RMDN2: variants seen among roughly 807,000 people sequenced by gnomAD.
RMDN2 encodes the protein regulator of microtubule dynamics protein 2.
Under a neutral mutation model 52.8 loss-of-function variants are expected in RMDN2, and 61 were observed. That is an observed-to-expected ratio of 1.16 (90% confidence interval 0.94 to 1.43). The LOEUF (loss-of-function observed/expected upper bound fraction) is 1.43. Ranked by LOEUF, RMDN2 falls within the 40% of genes most tolerant of loss-of-function variation. The probability of loss-of-function intolerance (pLI) is 0.00; values close to 1 mark genes in which losing one functional copy is unlikely to be tolerated. For missense variants in RMDN2, 592 were observed against 475.3 expected (o/e 1.25, Z -2.28); for synonymous variants, 180 against 153.1 (o/e 1.18, Z -1.30).
At chr2:38,019,458 A>G (rs1473329482), downstream of RMDN2, among the ~76,000 whole-genome samples, 3 of 152,208 alleles carry the variant, frequency 2.0e-5, no homozygotes, top group Non-Finnish European at 4.4e-5. Context: ...TTGTTTCTGG[A>G]TATGAGCTTG....
chr2:37,934,192 G>C (rs1667098243), intron 2 of RMDN2, among the ~76,000 whole-genome samples: 1 of 152,166 alleles, frequency 6.6e-6, no homozygotes, highest in Non-Finnish European at 1.5e-5. Context: ...TTTCACACAA[G>C]AAAGGAAAAA....
intron 10 of RMDN2, among the ~76,000 whole-genome samples, chr2:38,062,213 A>G (rs1333876744): frequency 2.0e-5 from 3 of 152,124 alleles, no homozygotes; most frequent in African/African-American, 7.2e-5. Context: ...CCACCAGGCT[A>G]TCCTTTTGTA....
At chr2:38,025,466 G>T (rs1267836427) in intron 10 of RMDN2, among the ~76,000 whole-genome samples, 3 of 151,918 alleles carry the variant, frequency 2.0e-5, no homozygotes, top group Admixed American at 1.3e-4. Flanking sequence ...TGAAGGTTTT[G>T]TTTTGTTTTT....
At chr2:38,048,686 C>G (rs944634440) in intron 10 of RMDN2, among the ~76,000 whole-genome samples, 3 of 152,188 alleles carry the variant, frequency 2.0e-5, no homozygotes, top group Admixed American at 6.5e-5. Context: ...ACCAGGTAGT[C>G]AGGGATCCTT....
rs1050518477 is a variant in RMDN2, at chr2:37,959,858, C to G, written c.453-14182C>G. On this transcript the variant is annotated intron_variant, in intron 2 of 10. Coordinates refer to ENST00000354545, the MANE Select transcript of RMDN2 (RefSeq NM_001170791.3). ...GATTCTGGTATGTTGTATCTTAGTT[C>G]TCATTGGTTTCAAGGAACTTATTTC... Among the ~76,000 whole-genome samples, 2 of 150,868 alleles carry G rather than the reference C, an allele frequency of 1.3e-5. 1 individual carries two copies. The highest frequency in any genetic ancestry group is 5.0e-5 in the African/African-American group (2 of 40,214).
chr2:38,053,180 A>G (rs1031970822), intron 10 of RMDN2, among the ~76,000 whole-genome samples: 2 of 152,228 alleles, frequency 1.3e-5, no homozygotes, highest in Admixed American at 1.3e-4. Flanking sequence ...CTACAATAAC[A>G]TGATTTTCTT....
At chr2:37,955,191 C>T (rs1359093555) in intron 2 of RMDN2, among the ~76,000 whole-genome samples, 1 of 152,034 alleles carries the variant, frequency 6.6e-6, no homozygotes, top group Non-Finnish European at 1.5e-5. Context: ...TTTATTTCGT[C>T]ATCTTGCCTA....
chr2:37,951,788 A>G lies in RMDN2; in HGVS notation c.452+22059A>G, dbSNP rs138849623. On this transcript the variant is annotated intron_variant, in intron 2 of 10. Transcript: ENST00000354545. ...ACACTAAAAATTTTAAGAATTTTGA[A>G]ACAAACACTACTTCTCCAGCCTTTG... 18 of 1,613,432 alleles carry G rather than the reference A, an allele frequency of 1.1e-5. No individual in the cohort carries two copies. In the African/African-American group the frequency reaches 2.3e-4, roughly 20 times the overall value.
At chr2:37,959,426 T>G (rs996183664) in intron 2 of RMDN2, among the ~76,000 whole-genome samples, 2 of 151,186 alleles carry the variant, frequency 1.3e-5, no homozygotes, top group Non-Finnish European at 1.5e-5. Flanking sequence ...GTAGATTTTC[T>G]AGTTTATTTG....
chr2:37,940,907 C>T (rs905047131), intron 2 of RMDN2, among the ~76,000 whole-genome samples: 1 of 152,208 alleles, frequency 6.6e-6, no homozygotes, highest in African/African-American at 2.4e-5. Context: ...TCATCAAACT[C>T]ATTCTCTGTC....
intron 10 of RMDN2, among the ~76,000 whole-genome samples, chr2:38,065,521 C>T (rs189157271): frequency 6.6e-6 from 1 of 152,256 alleles, no homozygotes; most frequent in East Asian, 1.9e-4. Flanking sequence ...TGATTCAAAA[C>T]TAGTTCTGGT....
At chr2:37,958,819 C>G (rs1321231231) in intron 2 of RMDN2, among the ~76,000 whole-genome samples, 1 of 150,866 alleles carries the variant, frequency 6.6e-6, no homozygotes, top group East Asian at 1.9e-4. Context: ...TCCCTCAATA[C>G]CTAGTTTATT....
chr2:38,015,256 C>G (rs1295264730), intron 10 of RMDN2, among the ~76,000 whole-genome samples: 2 of 152,160 alleles, frequency 1.3e-5, no homozygotes, highest in Non-Finnish European at 2.9e-5. Flanking sequence ...GAGTTCTTGA[C>G]AGTACAACGA....
At chr2:37,956,284 G>C (rs1231062767) in intron 2 of RMDN2, among the ~76,000 whole-genome samples, 1 of 152,076 alleles carries the variant, frequency 6.6e-6, no homozygotes, top group Non-Finnish European at 1.5e-5. Context: ...TTAGTAGTTT[G>C]TGTGTTTCCA....
At chr2:38,064,632 T>A (rs1430593551) in intron 10 of RMDN2, among the ~76,000 whole-genome samples, 1 of 152,214 alleles carries the variant, frequency 6.6e-6, no homozygotes, top group Non-Finnish European at 1.5e-5. Flanking sequence ...TGCTTCTGTA[T>A]ATACAATATG....
chr2:37,959,345 A>C (rs148306053), intron 2 of RMDN2, among the ~76,000 whole-genome samples: 1 of 150,944 alleles, frequency 6.6e-6, no homozygotes, highest in African/African-American at 2.5e-5. Flanking sequence ...TTATTGGTCT[A>C]TTCAGGGATT....
intron 10 of RMDN2, among the ~76,000 whole-genome samples, chr2:38,023,546 A>G (rs549858902): frequency 5.8e-4 from 88 of 152,144 alleles, no homozygotes; most frequent in Non-Finnish European, 1.1e-3. Context: ...TAAGGTAGTG[A>G]AGCCTGTTTT....
rs527599476 is a variant in RMDN2, at chr2:38,057,900, A to G, written c.1714-9082A>G. On this transcript the variant is annotated intron_variant, in intron 10 of 10. Coordinates refer to the RMDN2 transcript ENST00000234195. ...CTCCCCAGAAGCAGAAGCTGCTGCT[A>G]TACTTTCTGTACAGCCTGCAGAACC... Among the ~76,000 whole-genome samples the G allele has an allele frequency of 8.5e-5, 13 of 152,300 alleles. No individual in the cohort carries two copies. In the South Asian group the frequency reaches 1.0e-3, roughly 12 times the overall value.
At chr2:37,940,186 C>G (rs1292294741) in intron 2 of RMDN2, among the ~76,000 whole-genome samples, 2 of 152,170 alleles carry the variant, frequency 1.3e-5, no homozygotes, top group Non-Finnish European at 2.9e-5. Context: ...AAATTCTTTT[C>G]TTTAAGAATG....
Sources: allele counts gnomAD v4.1 joint callset (sites outside exome capture counted in the v4.1 genomes callset), GRCh38; gene constraint gnomAD v4.1.1; transcripts MANE v1.5; gene names NCBI Gene and HGNC (gene_info 2026-07-23, HGNC 2026-07-21).